The following GML variants were observed in gnomAD, a reference collection of about 807,000 sequenced individuals.
The protein encoded by GML is glycosylphosphatidylinositol anchored molecule like, also known as glycosyl-phosphatidylinositol-anchored molecule-like protein.
GML carries 5 observed loss-of-function variants against 8.2 expected under a neutral mutation model. That is an observed-to-expected ratio of 0.61 (90% CI 0.32 to 1.28). The LOEUF (loss-of-function observed/expected upper bound fraction) is 1.28, where lower values mean the gene tolerates loss of function less well. Among genes scored for constraint, GML ranks in the 50% most tolerant of loss-of-function variants. The probability of loss-of-function intolerance (pLI) is 0.06; values close to 1 mark genes in which losing one functional copy is unlikely to be tolerated. For synonymous variants in GML, 72 were observed against 69.0 expected (o/e 1.04, Z -0.22); for missense variants, 191 against 198.3 (o/e 0.96, Z 0.22).
intron 3 of GML, among the ~76,000 whole-genome samples, chr8:142,843,275 C>CACACACACACACACACAA (rs1816460840): frequency 6.6e-6 from 1 of 151,612 alleles, no homozygotes; most frequent in Admixed American, 6.6e-5. Context: ...CACACACACA[C>CACACACACACACACACAA]ACACACACAC....
intron 1 of GML, among the ~76,000 whole-genome samples, chr8:142,835,557 C>T (rs541700559): frequency 3.8e-4 from 58 of 152,326 alleles, no homozygotes; most frequent in South Asian, 1.0e-3. Context: ...TCCCTTCAGG[C>T]TACTTCTGCC....
At chr8:142,842,474 A>G (rs908536949) in intron 3 of GML, among the ~76,000 whole-genome samples, 1 of 152,180 alleles carries the variant, frequency 6.6e-6, no homozygotes, top group Non-Finnish European at 1.5e-5. Flanking sequence ...ACTGCCTCTA[A>G]ATGAGGCTGA....
intron 3 of GML, among the ~76,000 whole-genome samples, chr8:142,845,426 T>C (rs1297443658): frequency 6.6e-6 from 1 of 152,212 alleles, no homozygotes; most frequent in African/African-American, 2.4e-5. Context: ...TTCTGTAGAA[T>C]GGTGAACTCC....
chr8:142,844,140 C>T (rs568825653), intron 3 of GML, among the ~76,000 whole-genome samples: 1 of 152,114 alleles, frequency 6.6e-6, no homozygotes, highest in Non-Finnish European at 1.5e-5. Context: ...AAAATAACAA[C>T]ATTAGAAGAG....
intron 3 of GML, among the ~76,000 whole-genome samples, 160 bp downstream of exon 3, chr8:142,841,385 G>A (rs1170159783): frequency 1.3e-5 from 2 of 152,128 alleles, no homozygotes; most frequent in Non-Finnish European, 2.9e-5. Context: ...TTTGGTCTCA[G>A]CCTCATGATA....
chr8:142,840,706 GC>G (rs1816418459), intron 2 of GML, among the ~76,000 whole-genome samples, 196 bp downstream of exon 2: 1 of 152,188 alleles, frequency 6.6e-6, no homozygotes, highest in South Asian at 2.1e-4. Context: ...TGAAGGAGCA[GC>G]TGACCAGGGA....
At chr8:142,840,606 CT>C in intron 2 of GML, 96 bp downstream of exon 2, 1 of 856,596 alleles carries the variant, frequency 1.2e-6, no homozygotes, top group Non-Finnish European at 2.0e-6. Context: ...TGGAGCAAGC[CT>C]CCGTTAGCTG....
Position 142,846,500 on chromosome 8 carries a change from C to T in GML, c.287C>T (p.Thr96Ile). 6.2e-7 allele frequency: 1 copy of T among 1,613,890 alleles called. No homozygotes were observed. The highest frequency in any genetic ancestry group is 8.5e-7 in the Non-Finnish European group (1 of 1,179,762). The change falls in exon 4 of 4, where the codon ACT becomes ATT. Residue 96 changes from threonine to isoleucine, a missense_variant. Transcript: ENST00000220940. ...GAAGCCCCAGGAAAAATCTTCAAAA[C>T]TAATAGCTTCTACTGGGTTTGTTGT... ...PPEAPGKIFKTNSFYWVCCCN... is the reference protein window; with the variant it reads ...PPEAPGKIFKINSFYWVCCCN...
At chr8:142,840,569 G>A (rs1351034898) in intron 2 of GML, 59 bp downstream of exon 2, 8 of 1,224,684 alleles carry the variant, frequency 6.5e-6, no homozygotes, top group Non-Finnish European at 9.7e-6. Flanking sequence ...GGGGTGCTGG[G>A]GGTCACTGGG....
chr8:142,836,631 T>C (rs1355704852), intron 1 of GML, among the ~76,000 whole-genome samples: 1 of 152,250 alleles, frequency 6.6e-6, no homozygotes, highest in African/African-American at 2.4e-5. Flanking sequence ...CATCTTGCGT[T>C]GCGTACAAAA....
At chr8:142,844,849 C>T (rs1467986422) in intron 3 of GML, among the ~76,000 whole-genome samples, 1 of 152,182 alleles carries the variant, frequency 6.6e-6, no homozygotes, top group African/African-American at 2.4e-5. Flanking sequence ...AAGTTCAACC[C>T]AGTGTAGAAA....
intron 1 of GML, among the ~76,000 whole-genome samples, chr8:142,839,986 G>C (rs944575035): frequency 2.0e-5 from 3 of 151,474 alleles, no homozygotes; most frequent in Non-Finnish European, 4.4e-5. Context: ...CCCTCGTGTT[G>C]CTGAGCTGTG....
chr8:142,836,713 G>A (rs1448259926), intron 1 of GML, among the ~76,000 whole-genome samples: 2 of 152,210 alleles, frequency 1.3e-5, no homozygotes, highest in Non-Finnish European at 2.9e-5. Context: ...CCAGGAGCCT[G>A]TGGGAAGGCC....
chr8:142,846,644 T>G lies in GML; in HGVS notation c.431T>G (p.Leu144Arg), dbSNP rs368774634. The change falls in exon 4 of 4, where the codon CTG (leucine) becomes CGG (arginine). Residue 144 changes from leucine to arginine, a missense_variant. By Grantham distance (102) the Leu-to-Arg change is moderately radical. Coordinates refer to ENST00000220940, the MANE Select transcript of GML (RefSeq NM_002066.3). Reference sequence around the variant, plus strand: ...ACTGTGAGGCTGGGGGTATCAAAACTGTTGCTGAGTTTTGCCTCTATCATA... The same window carrying G: ...ACTGTGAGGCTGGGGGTATCAAAACGGTTGCTGAGTTTTGCCTCTATCATA... ...EGTVRLGVSKLLLSFASIIVS... is the reference protein window; with the variant it reads ...EGTVRLGVSKRLLSFASIIVS... 3.1e-6 allele frequency: 5 copies of G among 1,614,030 alleles called. No individual in the cohort carries two copies. Among genetic ancestry groups the G allele is most frequent in the Non-Finnish European group, 4.2e-6 (5 of 1,179,990 alleles).
chr8:142,836,699 C>G (rs1025518343), intron 1 of GML, among the ~76,000 whole-genome samples: 1 of 152,190 alleles, frequency 6.6e-6, no homozygotes, highest in African/African-American at 2.4e-5. Flanking sequence ...GCCCTCTCCT[C>G]TCTCCAGGAG....
intron 2 of GML, 28 bp from the exon 3 acceptor site, chr8:142,841,090 G>C: frequency 1.9e-6 from 2 of 1,054,896 alleles, no homozygotes; most frequent in South Asian, 1.3e-5. Context: ...TGGAGCAGAA[G>C]CCTGAAGCCT....
intron 3 of GML, among the ~76,000 whole-genome samples, chr8:142,843,582 T>G (rs954093758): frequency 6.6e-6 from 1 of 152,222 alleles, no homozygotes; most frequent in Non-Finnish European, 1.5e-5. Context: ...AACTGCTTAC[T>G]ATTCATCAGA....
intron 3 of GML, among the ~76,000 whole-genome samples, chr8:142,841,727 C>T (rs1246718384): frequency 6.6e-6 from 1 of 152,188 alleles, no homozygotes; most frequent in African/African-American, 2.4e-5. Context: ...GCTTTTTCCT[C>T]AGAGCCCTCT....
chr8:142,844,504 A>G (rs1370453675), intron 3 of GML, among the ~76,000 whole-genome samples: 1 of 152,208 alleles, frequency 6.6e-6, no homozygotes, highest in Non-Finnish European at 1.5e-5. Context: ...TACCTGTGAA[A>G]TAGTATAACC....
Sources: gnomAD v4.1 joint callset for allele counts (sites outside exome capture counted in the v4.1 genomes callset) on GRCh38, gnomAD v4.1.1 for gene constraint, MANE v1.5 for transcripts, NCBI Gene and HGNC (gene_info 2026-07-23, HGNC 2026-07-21) for gene names.